Variants in ACCSL observed in about 807,000 individuals in gnomAD.
ACCSL encodes 1-aminocyclopropane-1-carboxylate synthase homolog (inactive) like.
A neutral mutation model predicts 61.7 loss-of-function variants in ACCSL; 55 were observed. That is an observed-to-expected ratio of 0.89 (90% CI 0.72 to 1.12). The LOEUF is 1.12. Among genes scored for constraint, ACCSL ranks in the 50% most tolerant of loss-of-function variants. The pLI, the probability that ACCSL is intolerant of heterozygous loss-of-function variation, is 0.00. For missense variants in ACCSL, 632 were observed against 698.0 expected, an observed-to-expected ratio of 0.91 and a Z score of 1.07; for synonymous variants, 258 against 264.3, an observed-to-expected ratio of 0.98 and a Z score of 0.23.
upstream of ACCSL, among the ~76,000 whole-genome samples, chr11:44,045,206 G>A (rs866232453): frequency 7.7e-4 from 118 of 152,294 alleles, no homozygotes; most frequent in African/African-American, 2.8e-3. Context: ...GGGAGGCTGA[G>A]GCGAGAGGAT....
the ACCSL span, chr11:43,933,307 A>G: frequency 2.4e-3 from 916 of 383,488 alleles, 11 homozygotes; most frequent in South Asian, 7.9e-3. Flanking sequence ...ATGAGGGAGT[A>G]ATGTCAGATG....
the ACCSL span, among the ~76,000 whole-genome samples, chr11:43,962,972 C>G: frequency 6.6e-6 from 1 of 152,182 alleles, no homozygotes; most frequent in African/African-American, 2.4e-5. Context: ...CCAGGGACCA[C>G]TCTGTATTGC....
chr11:44,037,049 G>A, the ACCSL span, among the ~76,000 whole-genome samples: 1 of 152,150 alleles, frequency 6.6e-6, no homozygotes, highest in Non-Finnish European at 1.5e-5. Flanking sequence ...GAGAGCTGAG[G>A]GCAGCTGGGT....
At chr11:43,960,145 C>A in the ACCSL span, among the ~76,000 whole-genome samples, 1 of 152,122 alleles carries the variant, frequency 6.6e-6, no homozygotes, top group East Asian at 1.9e-4. Context: ...GGCTGGCACC[C>A]AGGAGACTGC....
At chr11:44,057,401 G>T (rs1952677955) in intron 11 of ACCSL, among the ~76,000 whole-genome samples, 1 of 152,230 alleles carries the variant, frequency 6.6e-6, no homozygotes, top group South Asian at 2.1e-4. Context: ...TGCTTCCCTA[G>T]ATATCAAGAC....
intron 3 of ACCSL, 88 bp from the exon 4 acceptor site, chr11:44,051,247 G>T: frequency 7.4e-7 from 1 of 1,360,056 alleles, no homozygotes; most frequent in Non-Finnish European, 1.1e-6. Flanking sequence ...AGTAGAAAAG[G>T]TCCCTGTTAG....
chr11:43,979,824 G>T, the ACCSL span, among the ~76,000 whole-genome samples: 2 of 143,192 alleles, frequency 1.4e-5, no homozygotes, highest in Non-Finnish European at 3.0e-5. Flanking sequence ...TCCAGCCTGG[G>T]TGACAAAGCA....
At chr11:44,040,623 A>G in the ACCSL span, among the ~76,000 whole-genome samples, 1 of 152,162 alleles carries the variant, frequency 6.6e-6, no homozygotes, top group Non-Finnish European at 1.5e-5. Context: ...CTGACAGTCA[A>G]TGATGGTTTG....
the ACCSL span, among the ~76,000 whole-genome samples, chr11:43,937,393 G>T: frequency 6.6e-6 from 1 of 152,228 alleles, no homozygotes; most frequent in Admixed American, 6.5e-5. Flanking sequence ...CTTCAAGGAG[G>T]TAACATCTGA....
the ACCSL span, among the ~76,000 whole-genome samples, chr11:44,006,574 C>T: frequency 6.9e-6 from 1 of 144,532 alleles, no homozygotes; most frequent in Middle Eastern, 3.6e-3. Context: ...GGTGCAATCT[C>T]GGCTTACTGC....
the ACCSL span, chr11:43,943,215 T>C: frequency 3.3e-6 from 5 of 1,524,590 alleles, no homozygotes; most frequent in African/African-American, 5.7e-5. This position sits in a 1 kb window ranked among gnomAD's most constrained non-coding sequence, Gnocchi z 4.8. Flanking sequence ...CGGGAGCAGC[T>C]CAGCAGCTGC....
At chr11:43,922,399 G>A in the ACCSL span, 2 of 152,238 alleles carry the variant, frequency 1.3e-5, no homozygotes, top group South Asian at 4.1e-4. Flanking sequence ...ACTCCCGGGA[G>A]CCTGAGCCTC....
chr11:44,036,781 C>CAAA, the ACCSL span, among the ~76,000 whole-genome samples: 4 of 56,576 alleles, frequency 7.1e-5, no homozygotes, highest in Admixed American at 2.0e-4. Flanking sequence ...GACACCAGCT[C>CAAA]AAAAAAAAAA....
chr11:43,957,109 G>C, the ACCSL span, among the ~76,000 whole-genome samples: 1 of 152,156 alleles, frequency 6.6e-6, no homozygotes, highest in Non-Finnish European at 1.5e-5. Flanking sequence ...GAATTTAGAG[G>C]TTTACTTTTG....
At position 44,059,903 on chromosome 11, in the gene ACCSL, G is replaced by A. The variant is rs1056050963; in HGVS notation, c.1690G>A (p.Asp564Asn). 1.2e-6 allele frequency: 2 copies of A among 1,613,854 alleles called. No individual in the cohort carries two copies. The highest frequency in any genetic ancestry group is 1.3e-5 in the African/African-American group (1 of 75,056). Residue 564 changes from aspartate (D) to asparagine (N), a missense_variant, in exon 14 of 14, where the codon GAT becomes AAT. Coordinates refer to ENST00000378832, the MANE Select transcript of ACCSL (RefSeq NM_001031854.2). ...KEALIVKQLE[D>N]AMRE ...GGCTTTGATAGTGAAGCAGTTGGAG[G>A]ATGCAATGAGGGAGTAGGCCGTCTG...
At chr11:43,981,452 G>A in the ACCSL span, among the ~76,000 whole-genome samples, 3 of 152,174 alleles carry the variant, frequency 2.0e-5, 1 homozygote, top group South Asian at 6.2e-4. Flanking sequence ...GACACAGACA[G>A]GATTTACTCC....
At chr11:44,052,340 A>C (rs1395967639) in intron 5 of ACCSL, among the ~76,000 whole-genome samples, 2 of 152,186 alleles carry the variant, frequency 1.3e-5, no homozygotes, top group African/African-American at 4.8e-5. Flanking sequence ...GAATCTGTTG[A>C]GACTTTCCTG....
At chr11:43,947,041 A>G in the ACCSL span, 4 of 152,220 alleles carry the variant, frequency 2.6e-5, no homozygotes, top group African/African-American at 9.7e-5. Context: ...AAAGAGAATT[A>G]TTTGGCTCAC....
the ACCSL span, chr11:43,926,621 C>T: frequency 2.6e-5 from 8 of 303,386 alleles, no homozygotes; most frequent in African/African-American, 4.4e-5. Context: ...CTTCTATTTT[C>T]CTTGGCAAAA....
Sources: allele counts gnomAD v4.1 joint callset (sites outside exome capture counted in the v4.1 genomes callset), GRCh38; gene constraint gnomAD v4.1.1; non-coding constraint Gnocchi (gnomAD v3.1); transcripts MANE v1.5; gene names NCBI Gene and HGNC (gene_info 2026-07-23, HGNC 2026-07-21).